Variants in TSPAN5 observed in about 807,000 individuals in gnomAD.
TSPAN5 encodes the protein tetraspanin 5, also known as tetraspanin-5.
TSPAN5 carries 10 observed loss-of-function variants against 37.1 expected under a neutral mutation model. The ratio of observed to expected loss-of-function variants is 0.27; its 90% CI spans 0.17 to 0.46. TSPAN5 has a LOEUF of 0.46. Ranked by LOEUF, TSPAN5 falls within the 20% of genes least tolerant of loss-of-function variation. The probability of loss-of-function intolerance (pLI) is 1.00; values close to 1 mark genes in which losing one functional copy is unlikely to be tolerated. For synonymous variants in TSPAN5, 110 were observed against 118.9 expected (o/e 0.93, Z 0.48); for missense variants, 195 against 326.6 (o/e 0.60, Z 3.11).
At chr4:98,641,964 GA>G (rs1210049299) in intron 1 of TSPAN5, among the ~76,000 whole-genome samples, 1 of 152,176 alleles carries the variant, frequency 6.6e-6, no homozygotes, top group Non-Finnish European at 1.5e-5. Flanking sequence ...GTTGAACAGT[GA>G]GTAGTAAAAA....
At chr4:98,607,759 G>A (rs1756074654) in intron 1 of TSPAN5, among the ~76,000 whole-genome samples, 1 of 150,306 alleles carries the variant, frequency 6.7e-6, no homozygotes, top group Non-Finnish European at 1.5e-5. Flanking sequence ...CACCCAGGCT[G>A]GAGTGCAATG....
At chr4:98,568,446 G>T (rs1021051207) in intron 1 of TSPAN5, among the ~76,000 whole-genome samples, 1 of 152,072 alleles carries the variant, frequency 6.6e-6, no homozygotes, top group African/African-American at 2.4e-5. Flanking sequence ...GGAGACTGAG[G>T]CAGGAGAATC....
At chr4:98,624,587 A>C (rs1756552419) in intron 1 of TSPAN5, among the ~76,000 whole-genome samples, 5 of 152,218 alleles carry the variant, frequency 3.3e-5, no homozygotes, top group Non-Finnish European at 2.9e-5. Flanking sequence ...CTGTTGTAAA[A>C]GCAAGAGCAA....
At chr4:98,513,098 A>G (rs1476884625) in intron 1 of TSPAN5, among the ~76,000 whole-genome samples, 1 of 152,184 alleles carries the variant, frequency 6.6e-6, no homozygotes, top group African/African-American at 2.4e-5. Flanking sequence ...TTTCAGGCAG[A>G]GCAGAATGTA....
chr4:98,556,037 ACC>A (rs374997947), intron 1 of TSPAN5, among the ~76,000 whole-genome samples: 2 of 63,400 alleles, frequency 3.2e-5, no homozygotes, highest in Non-Finnish European at 2.9e-5. Flanking sequence ...CACACACAGC[ACC>A]CCCACACACA....
At position 98,500,012 on chromosome 4, in the gene TSPAN5, T is replaced by C. The variant is rs148167089; in HGVS notation, c.132+7666A>G. Among the ~76,000 whole-genome samples the C allele has an allele frequency of 6.5e-3, 984 of 152,258 alleles. 9 individuals are homozygous for C. The highest frequency in any genetic ancestry group is 0.022 in the African/African-American group (923 of 41,558). ...GAACTTGAGGGAATCATTGGGATAA[T>C]TGAGGAAAAGAATCACAATCTACTT... is the stretch of plus-strand genomic sequence containing the variant. On this transcript the variant is annotated intron_variant, in intron 2 of 7. Transcript: ENST00000305798.
At chr4:98,626,069 C>T (rs1400433053) in intron 1 of TSPAN5, among the ~76,000 whole-genome samples, 1 of 152,164 alleles carries the variant, frequency 6.6e-6, no homozygotes, top group Admixed American at 6.5e-5. Flanking sequence ...TGTTCAAGGA[C>T]CATCCACATG....
chr4:98,541,122 G>T (rs1389317350), intron 1 of TSPAN5, among the ~76,000 whole-genome samples: 11 of 152,100 alleles, frequency 7.2e-5, no homozygotes. Context: ...CATCTACCTT[G>T]TTGGTGCTCA....
At chr4:98,557,499 T>C (rs976844600) in intron 1 of TSPAN5, among the ~76,000 whole-genome samples, 9 of 152,222 alleles carry the variant, frequency 5.9e-5, no homozygotes, top group African/African-American at 2.2e-4. Flanking sequence ...CACTCAATAA[T>C]GAATACAACA....
intron 1 of TSPAN5, among the ~76,000 whole-genome samples, chr4:98,543,826 C>T (rs10030396): frequency 0.087 from 13,162 of 152,044 alleles, 945 homozygotes; most frequent in African/African-American, 0.2. Flanking sequence ...GTGAACTTCA[C>T]GACATTTGAT....
At chr4:98,636,406 A>G (rs1203617064) in intron 1 of TSPAN5, among the ~76,000 whole-genome samples, 2 of 152,238 alleles carry the variant, frequency 1.3e-5, no homozygotes, top group Non-Finnish European at 2.9e-5. Context: ...CAAGGTTCCT[A>G]TAATGGTGCC....
chr4:98,639,964 C>A (rs1430745464), intron 1 of TSPAN5, among the ~76,000 whole-genome samples: 1 of 152,166 alleles, frequency 6.6e-6, no homozygotes, highest in East Asian at 1.9e-4. Flanking sequence ...TTCCACTTGA[C>A]AAATGCTCAC....
chr4:98,644,959 T>G (rs1426964972), intron 1 of TSPAN5, among the ~76,000 whole-genome samples: 1 of 152,192 alleles, frequency 6.6e-6, no homozygotes, highest in African/African-American at 2.4e-5. Flanking sequence ...TAGGGATCCA[T>G]CCACCTCACT....
At chr4:98,608,371 C>A (rs543226149) in intron 1 of TSPAN5, among the ~76,000 whole-genome samples, 2 of 152,312 alleles carry the variant, frequency 1.3e-5, no homozygotes, top group Middle Eastern at 6.8e-3. Flanking sequence ...TTCACAGACC[C>A]CTGGCCCCAT....
intron 1 of TSPAN5, among the ~76,000 whole-genome samples, chr4:98,613,862 T>TC (rs111689808): frequency 1.5e-4 from 23 of 150,604 alleles, no homozygotes; most frequent in South Asian, 4.2e-4. Context: ...TTTCAAAGAT[T>TC]CCCCCCCCAA....
chr4:98,510,311 T>C (rs920241057), intron 1 of TSPAN5, among the ~76,000 whole-genome samples: 1 of 152,146 alleles, frequency 6.6e-6, no homozygotes, highest in Admixed American at 6.5e-5. Flanking sequence ...GCTCCCATGA[T>C]ATAAAAAGTT....
intron 1 of TSPAN5, among the ~76,000 whole-genome samples, chr4:98,519,743 G>C (rs917110092): frequency 6.6e-6 from 1 of 152,214 alleles, no homozygotes; most frequent in South Asian, 2.1e-4. Context: ...GTCAGACACT[G>C]ATGTGGAAAG....
At chr4:98,607,289 C>A (rs1756060236) in intron 1 of TSPAN5, among the ~76,000 whole-genome samples, 2 of 152,120 alleles carry the variant, frequency 1.3e-5, no homozygotes, top group Non-Finnish European at 2.9e-5. Flanking sequence ...AGATGGGTAT[C>A]CCACACAATT....
At chr4:98,516,246 A>C (rs908713166) in intron 1 of TSPAN5, among the ~76,000 whole-genome samples, 2 of 152,226 alleles carry the variant, frequency 1.3e-5, no homozygotes, top group Non-Finnish European at 1.5e-5. Context: ...AGGGTCAGAC[A>C]TATGACTCAG....
Sources: allele counts gnomAD v4.1 joint callset (sites outside exome capture counted in the v4.1 genomes callset), GRCh38; gene constraint gnomAD v4.1.1; transcripts MANE v1.5; gene names NCBI Gene and HGNC (gene_info 2026-07-23, HGNC 2026-07-21).